KCNAB1: variants seen among roughly 807,000 people sequenced by gnomAD.
The protein encoded by KCNAB1 is voltage-gated potassium channel subunit beta-1.
A neutral mutation model predicts 64.6 loss-of-function variants in KCNAB1; 35 were observed. The observed-to-expected ratio is 0.54, with a 90% CI of 0.41 to 0.72. The LOEUF is 0.72. Among genes scored for constraint, KCNAB1 ranks in the 30% least tolerant of loss-of-function variants. The pLI is 0.00. For synonymous variants in KCNAB1, 177 were observed against 183.8 expected (o/e 0.96, Z 0.30); for missense variants, 401 against 512.9 (o/e 0.78, Z 2.11).
intron 2 of KCNAB1, among the ~76,000 whole-genome samples, chr3:156,447,281 T>C (rs1421373866): frequency 1.3e-5 from 2 of 152,214 alleles, no homozygotes; most frequent in East Asian, 3.8e-4. Context: ...TTTTATTTAT[T>C]TGTAAAATTA....
intron 11 of KCNAB1, among the ~76,000 whole-genome samples, chr3:156,523,580 A>G (rs764517956): frequency 6.6e-6 from 1 of 152,216 alleles, no homozygotes; most frequent in Non-Finnish European, 1.5e-5. Flanking sequence ...GGGTTATAAC[A>G]ACTTCTGTGC....
At chr3:156,455,045 G>T (rs1027956627) in intron 3 of KCNAB1, among the ~76,000 whole-genome samples, 2 of 152,164 alleles carry the variant, frequency 1.3e-5, no homozygotes, top group African/African-American at 2.4e-5. Flanking sequence ...CTTCCAGAGA[G>T]CATCTGTGGC....
chr3:156,537,349 TC>T lies in KCNAB1; in HGVS notation c.*604del, dbSNP rs1411353986. 2 of 287,072 alleles carry T rather than the reference TC, an allele frequency of 7.0e-6. No homozygotes were observed. Among genetic ancestry groups the T allele is most frequent in the Non-Finnish European group, 1.3e-5 (2 of 157,880 alleles). The allele number at this position is 287,072 out of a possible 1,614,324, so 17.8% of individuals were successfully genotyped here. On this transcript the variant is annotated 3_prime_UTR_variant, in exon 14 of 14. Coordinates refer to ENST00000490337, the MANE Select transcript of KCNAB1 (RefSeq NM_172160.3). ...TCACATTCATACTAACAAGTTTTGT[TC>T]CATTTGTTATTCAATAAAACAAAAA...
chr3:156,196,882 T>A (rs974799360), intron 1 of KCNAB1, among the ~76,000 whole-genome samples: 2 of 152,226 alleles, frequency 1.3e-5, no homozygotes, highest in Non-Finnish European at 2.9e-5. Flanking sequence ...CTTGTGCCAA[T>A]TTTCAAACGG....
Position 156,386,258 on chromosome 3 carries a change from C to T in KCNAB1, c.276-35358C>T, listed in dbSNP as rs146629931. Among the ~76,000 whole-genome samples, 57 of 152,236 alleles carry T rather than the reference C, an allele frequency of 3.7e-4. No individual in the cohort carries two copies. The East Asian group carries it at 8.5e-3, about 23-fold the overall frequency. On this transcript the variant is annotated intron_variant, in intron 1 of 13. Transcript: ENST00000490337. ...TTAACCGTGATCCTAGGACTTTATA[C>T]GCTGGCCCCTTTTCCATGATTCTTC... is the stretch of plus-strand genomic sequence containing the variant.
chr3:156,391,551 C>G (rs1054545510), intron 1 of KCNAB1, among the ~76,000 whole-genome samples: 3 of 152,226 alleles, frequency 2.0e-5, no homozygotes, highest in Non-Finnish European at 4.4e-5. Context: ...TTTATCTCCA[C>G]TGAGGAGCTG....
chr3:156,283,699 G>C (rs950791088), intron 1 of KCNAB1, among the ~76,000 whole-genome samples: 1 of 151,550 alleles, frequency 6.6e-6, no homozygotes, highest in Non-Finnish European at 1.5e-5. Flanking sequence ...TTCCCCTCTC[G>C]CTTCATTTCA....
intron 2 of KCNAB1, among the ~76,000 whole-genome samples, chr3:156,437,540 C>G (rs558880377): frequency 6.6e-6 from 1 of 152,166 alleles, no homozygotes; most frequent in Non-Finnish European, 1.5e-5. Context: ...CAAAGTGATG[C>G]GTCCCACTTG....
intron 1 of KCNAB1, among the ~76,000 whole-genome samples, chr3:156,216,682 C>G (rs952095893): frequency 1.3e-5 from 2 of 152,118 alleles, no homozygotes; most frequent in African/African-American, 4.8e-5. Context: ...TTCAGTAGTC[C>G]CTACTTAGTG....
intron 1 of KCNAB1, among the ~76,000 whole-genome samples, chr3:156,349,679 G>C (rs1024263750): frequency 2.0e-5 from 3 of 152,054 alleles, no homozygotes; most frequent in Admixed American, 1.3e-4. Context: ...TCCCACCTCA[G>C]CCTCCTGAGT....
intron 1 of KCNAB1, among the ~76,000 whole-genome samples, chr3:156,338,646 C>T (rs973957087): frequency 6.6e-6 from 1 of 152,088 alleles, no homozygotes; most frequent in Admixed American, 6.5e-5. Flanking sequence ...CACTAAGCAT[C>T]CCAGAGTGTG....
chr3:156,237,293 A>G (rs1280325391), intron 1 of KCNAB1, among the ~76,000 whole-genome samples: 1 of 152,248 alleles, frequency 6.6e-6, no homozygotes, highest in Admixed American at 6.5e-5. Flanking sequence ...AATGGATAAA[A>G]TTGCCATTTT....
intron 2 of KCNAB1, among the ~76,000 whole-genome samples, chr3:156,432,252 T>C (rs930107334): frequency 1.3e-5 from 2 of 152,216 alleles, no homozygotes; most frequent in African/African-American, 4.8e-5. Context: ...GCATGAGGTA[T>C]GCTCAGAGTT....
At chr3:156,476,570 CACACACACATATAT>C (rs1337520365) in intron 8 of KCNAB1, among the ~76,000 whole-genome samples, 15 of 147,654 alleles carry the variant, frequency 1.0e-4, no homozygotes, top group African/African-American at 4.0e-4. Flanking sequence ...CATATACACA[CACACACACATATAT>C]ACACACACAC....
At chr3:156,398,340 C>A (rs1356826246) in intron 1 of KCNAB1, among the ~76,000 whole-genome samples, 1 of 152,148 alleles carries the variant, frequency 6.6e-6, no homozygotes, top group Non-Finnish European at 1.5e-5. Flanking sequence ...CGCCTGTAAT[C>A]CCAGCACTTT....
chr3:156,447,611 C>G (rs1164387586), intron 2 of KCNAB1, among the ~76,000 whole-genome samples: 2 of 151,954 alleles, frequency 1.3e-5, no homozygotes, highest in African/African-American at 4.8e-5. Flanking sequence ...TGATTTAGAC[C>G]CAAATTAAGG....
rs1054616986 is a variant in KCNAB1, at chr3:156,293,826, C to T, written c.276-127790C>T. On this transcript the variant is annotated intron_variant, in intron 1 of 13. Coordinates refer to ENST00000490337, the MANE Select transcript of KCNAB1 (RefSeq NM_172160.3). Reference sequence around the variant, plus strand: ...TGCTGCTGTGGCACACACGCAGCCCCTGCCTTGTGGACACAGTGCTGCTCT... The same window carrying T: ...TGCTGCTGTGGCACACACGCAGCCCTTGCCTTGTGGACACAGTGCTGCTCT... 2.6e-5 allele frequency among the ~76,000 whole-genome samples: 4 copies of T among 152,198 alleles called. No homozygotes were observed. The South Asian group carries it at 8.3e-4, about 31-fold the overall frequency.
chr3:156,218,851 A>T (rs1560142279), intron 1 of KCNAB1, among the ~76,000 whole-genome samples: 1 of 149,934 alleles, frequency 6.7e-6, no homozygotes, highest in African/African-American at 2.4e-5. Context: ...ATATAAAAAA[A>T]ATAAAATAAA....
intron 1 of KCNAB1, among the ~76,000 whole-genome samples, chr3:156,191,907 T>C (rs1713587832): frequency 6.6e-6 from 1 of 152,222 alleles, no homozygotes; most frequent in Non-Finnish European, 1.5e-5. Flanking sequence ...GGAAAAGGAC[T>C]CTGATTCTCC....
Sources: gnomAD v4.1 joint callset for allele counts (sites outside exome capture counted in the v4.1 genomes callset) on GRCh38, gnomAD v4.1.1 for gene constraint, MANE v1.5 for transcripts, NCBI Gene and HGNC (gene_info 2026-07-23, HGNC 2026-07-21) for gene names.